ANKS1B: variants seen among roughly 807,000 people sequenced by gnomAD.
The protein encoded by ANKS1B is ankyrin repeat and sterile alpha motif domain-containing protein 1B.
A neutral mutation model predicts 148.3 loss-of-function variants in ANKS1B; 36 were observed. The observed-to-expected ratio is 0.24, with a 90% CI of 0.19 to 0.32. The LOEUF is 0.32. Ranked by LOEUF, ANKS1B falls within the 10% of genes least tolerant of loss-of-function variation. The probability of loss-of-function intolerance (pLI) is 1.00; values close to 1 mark genes in which losing one functional copy is unlikely to be tolerated. For missense variants in ANKS1B, 1,157 were observed against 1,542.6 expected (o/e 0.75, Z 4.19); for synonymous variants, 542 against 560.8 (o/e 0.97, Z 0.47).
At chr12:98,926,136 G>A (rs537429082) in intron 17 of ANKS1B, among the ~76,000 whole-genome samples, 16 of 152,262 alleles carry the variant, frequency 1.1e-4, no homozygotes, top group Admixed American at 2.0e-4. Context: ...TGTGCAAGCT[G>A]GATGTGAAGG....
At chr12:99,536,561 A>G (rs1406405376) in intron 9 of ANKS1B, among the ~76,000 whole-genome samples, 1 of 152,186 alleles carries the variant, frequency 6.6e-6, no homozygotes, top group Non-Finnish European at 1.5e-5. Flanking sequence ...AAAGAAAAAA[A>G]GCTAGAAAAG....
At chr12:99,376,092 C>G (rs1224828343) in intron 12 of ANKS1B, among the ~76,000 whole-genome samples, 2 of 152,134 alleles carry the variant, frequency 1.3e-5, no homozygotes, top group African/African-American at 4.8e-5. Flanking sequence ...ATTCGCTGTT[C>G]AAAAATAAAC....
intron 14 of ANKS1B, among the ~76,000 whole-genome samples, chr12:99,241,102 T>C (rs757265919): frequency 5.3e-5 from 8 of 152,050 alleles, no homozygotes; most frequent in Non-Finnish European, 7.4e-5. Flanking sequence ...AATCAATGAA[T>C]CCAGGAGCTG....
At chr12:99,035,759 C>T (rs890111094) in intron 17 of ANKS1B, among the ~76,000 whole-genome samples, 1 of 152,130 alleles carries the variant, frequency 6.6e-6, no homozygotes, top group Non-Finnish European at 1.5e-5. Flanking sequence ...CAGGAATATA[C>T]TTGGAGTTTG....
At chr12:99,839,288 A>G (rs2085329945) in intron 1 of ANKS1B, among the ~76,000 whole-genome samples, 1 of 152,184 alleles carries the variant, frequency 6.6e-6, no homozygotes, top group African/African-American at 2.4e-5. Flanking sequence ...AAACTTATAG[A>G]AAAAGTAGGA....
chr12:99,775,671 T>C lies in ANKS1B; in HGVS notation c.848-10A>G, dbSNP rs764102141. On this transcript the variant is annotated splice_polypyrimidine_tract_variant and intron_variant, in intron 6 of 26. Transcript: ENST00000683438. ...ACGCCTTCTAAATACTCTGTGTGTA[T>C]ACATTTTTGAGATTACATACTTGAA... 3 of 1,474,678 alleles carry C rather than the reference T, an allele frequency of 2.0e-6. No homozygotes were observed. Among genetic ancestry groups the C allele is most frequent in the South Asian group, 1.3e-5 (1 of 75,942 alleles). 91.3% of individuals were successfully genotyped at this position (1,474,678 alleles called of 1,614,324 possible). A position where few individuals can be genotyped will look rare whatever the true frequency, so the allele number is the denominator to read the frequency against.
intron 14 of ANKS1B, among the ~76,000 whole-genome samples, chr12:99,220,646 A>T (rs889663950): frequency 1.3e-5 from 2 of 151,260 alleles, no homozygotes; most frequent in Non-Finnish European, 2.9e-5. Context: ...ACGGGGTTTC[A>T]CCATGTTAGC....
chr12:99,469,594 ACAGT>A (rs1476110873), intron 10 of ANKS1B, among the ~76,000 whole-genome samples: 1 of 152,130 alleles, frequency 6.6e-6, no homozygotes, highest in Non-Finnish European at 1.5e-5. Context: ...CAATTTTTGA[ACAGT>A]CAGAGTATTA....
rs577864827 is a variant in ANKS1B, at chr12:99,971,150, T to TAC, written c.134+12952_134+12953dup. On this transcript the variant is annotated intron_variant, in intron 1 of 26. Coordinates refer to ENST00000683438, the MANE Select transcript of ANKS1B (RefSeq NM_001352186.2). ...TTTGTCTAATATATACATATATATA[T>TAC]ACACACACACGTAGCATAAAACAAA... Among the ~76,000 whole-genome samples the TAC allele has an allele frequency of 4.1e-3, 631 of 152,256 alleles. 4 individuals are homozygous for TAC. The highest frequency in any genetic ancestry group is 7.8e-3 in the African/African-American group (326 of 41,538).
intron 1 of ANKS1B, among the ~76,000 whole-genome samples, chr12:99,932,616 T>A (rs1264285090): frequency 1.3e-5 from 2 of 152,168 alleles, no homozygotes; most frequent in African/African-American, 4.8e-5. Flanking sequence ...ATATTTTAAT[T>A]GAATTACTAG....
At chr12:99,346,164 C>T (rs1293190203) in intron 12 of ANKS1B, among the ~76,000 whole-genome samples, 1 of 151,956 alleles carries the variant, frequency 6.6e-6, no homozygotes, top group Non-Finnish European at 1.5e-5. Context: ...AGACAGTCTC[C>T]ACAATGCTGA....
chr12:99,742,437 C>T (rs984990689), intron 8 of ANKS1B, among the ~76,000 whole-genome samples: 2 of 152,054 alleles, frequency 1.3e-5, no homozygotes, highest in South Asian at 4.2e-4. Flanking sequence ...TAAGAAACAA[C>T]ATAACAAAGA....
At chr12:99,769,937 AAAGC>A (rs975896858) in intron 8 of ANKS1B, among the ~76,000 whole-genome samples, 4 of 152,232 alleles carry the variant, frequency 2.6e-5, no homozygotes, top group African/African-American at 7.2e-5. Flanking sequence ...ACAAAAGTGA[AAAGC>A]ACAGCTCCCC....
intron 14 of ANKS1B, among the ~76,000 whole-genome samples, chr12:99,216,085 G>A (rs1056168504): frequency 2.6e-5 from 4 of 152,230 alleles, no homozygotes; most frequent in Admixed American, 6.5e-5. Context: ...TAAGTCTCAC[G>A]AGATCTGATG....
chr12:99,683,886 A>G (rs1056028221), intron 8 of ANKS1B, among the ~76,000 whole-genome samples: 6 of 152,148 alleles, frequency 3.9e-5, no homozygotes, highest in African/African-American at 1.2e-4. Context: ...AGACACAGAA[A>G]AAGCATTTGA....
chr12:98,787,347 G>A lies in ANKS1B; in HGVS notation c.3343-5210C>T, dbSNP rs73149053. On this transcript the variant is annotated intron_variant, in intron 22 of 26. Coordinates refer to ENST00000683438, the MANE Select transcript of ANKS1B (RefSeq NM_001352186.2). ...TGGCTTTTCTCTTGTTCCCCTCTCT[G>A]CCACTTTTCCCGTGCACTGCCCTGG... Among the ~76,000 whole-genome samples, 1,033 of 152,228 alleles carry A rather than the reference G, an allele frequency of 6.8e-3. 3 individuals carry two copies. The highest frequency in any genetic ancestry group is 9.9e-3 in the Non-Finnish European group (670 of 68,016).
At position 98,745,473 on chromosome 12, in the gene ANKS1B, G is replaced by A. The variant is rs145024269; in HGVS notation, c.*266C>T. The A allele has an allele frequency of 3.0e-4, 337 of 1,131,272 alleles. 2 individuals are homozygous for A. The African/African-American group carries it at 5.0e-3, about 17-fold the overall frequency. 70.1% of individuals were successfully genotyped at this position (1,131,272 alleles called of 1,614,324 possible). ...CGGAGTCATCAGAAATACCTTGGGA[G>A]GTGGTGGGGAGGGGAGTCGGGAGCA... On this transcript the variant is annotated 3_prime_UTR_variant, in exon 27 of 27. Coordinates refer to ENST00000683438, the MANE Select transcript of ANKS1B (RefSeq NM_001352186.2).
At chr12:99,348,051 A>T (rs1006470995) in intron 12 of ANKS1B, among the ~76,000 whole-genome samples, 2 of 152,026 alleles carry the variant, frequency 1.3e-5, no homozygotes, top group Admixed American at 1.3e-4. Context: ...ATACTGAAAT[A>T]AAAAAATCTC....
chr12:99,145,471 T>A (rs992575579), intron 15 of ANKS1B, among the ~76,000 whole-genome samples: 2 of 152,110 alleles, frequency 1.3e-5, no homozygotes, highest in South Asian at 2.1e-4. Flanking sequence ...TTGAGGTAGG[T>A]CTTCCTTGAT....
Sources: gnomAD v4.1 joint callset for allele counts (sites outside exome capture counted in the v4.1 genomes callset) on GRCh38, gnomAD v4.1.1 for gene constraint, MANE v1.5 for transcripts, NCBI Gene and HGNC (gene_info 2026-07-23, HGNC 2026-07-21) for gene names.